The following DYNC2I1 variants were observed in gnomAD, a reference collection of about 807,000 sequenced individuals.
DYNC2I1 encodes cytoplasmic dynein 2 intermediate chain 1.
Under a neutral mutation model 133.4 loss-of-function variants are expected in DYNC2I1, and 89 were observed. The ratio of observed to expected loss-of-function variants is 0.67; its 90% CI spans 0.56 to 0.80. The LOEUF (loss-of-function observed/expected upper bound fraction) is 0.80, where lower values mean the gene tolerates loss of function less well. Among genes scored for constraint, DYNC2I1 ranks in the 30% least tolerant of loss-of-function variants. DYNC2I1 has a pLI of 0.00. For missense variants in DYNC2I1, 1,291 were observed against 1,314.5 expected, an observed-to-expected ratio of 0.98 and a Z score of 0.28; for synonymous variants, 504 against 484.3, an observed-to-expected ratio of 1.04 and a Z score of -0.54.
intron 4 of DYNC2I1, among the ~76,000 whole-genome samples, chr7:158,878,709 T>G (rs1843656233): frequency 7.3e-6 from 1 of 136,234 alleles, no homozygotes; most frequent in African/African-American, 2.8e-5. Context: ...GGGCACCATG[T>G]GGGGAGGCGA....
At chr7:158,949,073 C>G (rs1373702569), downstream of DYNC2I1, among the ~76,000 whole-genome samples, 1 of 152,186 alleles carries the variant, frequency 6.6e-6, no homozygotes, top group Non-Finnish European at 1.5e-5. Context: ...ACGTCTGCCC[C>G]CGAGAGAGCA....
chr7:158,924,222 G>A (rs1000841378), intron 17 of DYNC2I1, among the ~76,000 whole-genome samples: 44 of 152,356 alleles, frequency 2.9e-4, no homozygotes, highest in African/African-American at 1.0e-3. Context: ...GCCCTAGTGT[G>A]TAGTGTACAT....
chr7:158,952,239 A>G (rs1852077093), intron 4 of DYNC2I1, among the ~76,000 whole-genome samples: 1 of 152,206 alleles, frequency 6.6e-6, no homozygotes, highest in South Asian at 2.1e-4. Context: ...CAAAGTGGGC[A>G]GGTTCCTCCC....
At chr7:158,934,622 C>G in intron 23 of DYNC2I1, 73 bp downstream of exon 23, 7 of 1,450,866 alleles carry the variant, frequency 4.8e-6, no homozygotes, top group Non-Finnish European at 6.5e-6. Flanking sequence ...GCTCTGTCAC[C>G]CAAGCTGGAG....
chr7:158,881,363 C>G (rs1843996332), intron 5 of DYNC2I1, among the ~76,000 whole-genome samples: 1 of 152,248 alleles, frequency 6.6e-6, no homozygotes. Flanking sequence ...GGACTCCCCT[C>G]TAGTCAGCCA....
intron 1 of DYNC2I1, among the ~76,000 whole-genome samples, chr7:158,863,222 T>A (rs1258380474): frequency 6.6e-6 from 1 of 151,982 alleles, no homozygotes; most frequent in Non-Finnish European, 1.5e-5. Flanking sequence ...ATTAGTGCAT[T>A]TTTACAGAGT....
intron 14 of DYNC2I1, among the ~76,000 whole-genome samples, chr7:158,916,704 ACGT>A (rs1374409402): frequency 1.4e-5 from 1 of 72,164 alleles, no homozygotes; most frequent in African/African-American, 4.9e-5. Context: ...TGATTGTGAA[ACGT>A]CTGCACGCTG....
At position 158,872,296 on chromosome 7, in the gene DYNC2I1, A is replaced by T. The variant is rs186200095; in HGVS notation, c.490+734A>T. Among the ~76,000 whole-genome samples the T allele has an allele frequency of 5.3e-3, 801 of 152,296 alleles. 1 individual carries two copies. Among genetic ancestry groups the T allele is most frequent in the Admixed American group, 7.7e-3 (118 of 15,300 alleles). ...GTGCCACTGCACTGCAGCCTGGGCA[A>T]CAGAGTGAGACCCTGTCTCAAAAGA... On this transcript the variant is annotated intron_variant, in intron 3 of 24. Transcript: ENST00000407559.
At chr7:158,895,706 A>G (rs889214916) in intron 8 of DYNC2I1, among the ~76,000 whole-genome samples, 34 of 152,350 alleles carry the variant, frequency 2.2e-4, no homozygotes, top group African/African-American at 7.2e-4. Context: ...CATGGAATCT[A>G]TAGGTCAAGT....
chr7:158,890,618 A>G (rs776479697), intron 7 of DYNC2I1, among the ~76,000 whole-genome samples: 34 of 149,926 alleles, frequency 2.3e-4, no homozygotes, highest in Middle Eastern at 6.9e-3. Flanking sequence ...TTTCTTTGAG[A>G]CTGAGTTTCG....
intron 14 of DYNC2I1, among the ~76,000 whole-genome samples, chr7:158,916,951 CATTAAGGATGATTGTGAAACGTCT>C (rs1848413207): frequency 1.8e-5 from 1 of 55,216 alleles, no homozygotes; most frequent in African/African-American, 6.9e-5. Context: ...CGCTGGTTGA[CATTAAGGATGATTGTGAAACGTCT>C]ACACGCTGGT....
intron 5 of DYNC2I1, among the ~76,000 whole-genome samples, chr7:158,883,067 G>A (rs1844206786): frequency 1.3e-5 from 2 of 151,978 alleles, no homozygotes; most frequent in Admixed American, 6.6e-5. Flanking sequence ...TGAACCTACT[G>A]CTTGATGTAA....
At chr7:158,899,405 A>C (rs1357857501) in intron 8 of DYNC2I1, among the ~76,000 whole-genome samples, 1 of 152,224 alleles carries the variant, frequency 6.6e-6, no homozygotes, top group East Asian at 1.9e-4. Context: ...TATTATTCTG[A>C]ACAAACTGTT....
At chr7:158,873,701 A>T (rs1170557512) in intron 3 of DYNC2I1, among the ~76,000 whole-genome samples, 1 of 152,188 alleles carries the variant, frequency 6.6e-6, no homozygotes, top group African/African-American at 2.4e-5. Context: ...ATCACAGCCC[A>T]CCACAGCCTT....
At chr7:158,887,873 C>T (rs1247911621) in intron 7 of DYNC2I1, among the ~76,000 whole-genome samples, 1 of 152,144 alleles carries the variant, frequency 6.6e-6, no homozygotes, top group African/African-American at 2.4e-5. Context: ...CTGTGCTGAG[C>T]TTGTCAATTA....
At chr7:158,893,305 A>G (rs1269555247) in intron 8 of DYNC2I1, among the ~76,000 whole-genome samples, 1 of 152,070 alleles carries the variant, frequency 6.6e-6, no homozygotes, top group African/African-American at 2.4e-5. Context: ...TGCCCTTTCC[A>G]GAGTGTCTTA....
At chr7:158,954,084 G>A (rs192098175) in intron 4 of DYNC2I1, among the ~76,000 whole-genome samples, 172 of 152,246 alleles carry the variant, frequency 1.1e-3, no homozygotes, top group African/African-American at 3.9e-3. Flanking sequence ...TAAGTCTCAC[G>A]TGATCTGGTG....
At chr7:158,870,880 C>G (rs993304283) in intron 2 of DYNC2I1, among the ~76,000 whole-genome samples, 43 of 152,146 alleles carry the variant, frequency 2.8e-4, no homozygotes, top group African/African-American at 9.9e-4. Context: ...ATTTGATTTG[C>G]CGATCAGTGT....
chr7:158,907,273 CTTTTTTTT>C (rs36062364), intron 11 of DYNC2I1, among the ~76,000 whole-genome samples: 1 of 99,746 alleles, frequency 1.0e-5, no homozygotes, highest in Non-Finnish European at 2.0e-5. Context: ...CCATGGCCTT[CTTTTTTTT>C]TTTTTTTTTT....
Sources: allele counts gnomAD v4.1 joint callset (sites outside exome capture counted in the v4.1 genomes callset), GRCh38; gene constraint gnomAD v4.1.1; transcripts MANE v1.5; gene names NCBI Gene and HGNC (gene_info 2026-07-23, HGNC 2026-07-21).